Variants in PCDHGA2 observed in about 807,000 individuals in gnomAD.
The protein encoded by PCDHGA2 is protocadherin gamma-A2.
In PCDHGA2, 40 loss-of-function variants were observed where a neutral mutation model predicts 59.2. The observed-to-expected ratio is 0.68, with a 90% CI of 0.52 to 0.88. PCDHGA2 has a LOEUF of 0.88. Ranked by LOEUF, PCDHGA2 falls within the 40% of genes least tolerant of loss-of-function variation. PCDHGA2 has a pLI of 0.00. For missense variants in PCDHGA2, 1,226 were observed against 1,204.0 expected, an observed-to-expected ratio of 1.02 and a Z score of -0.27; for synonymous variants, 560 against 526.0, an observed-to-expected ratio of 1.06 and a Z score of -0.89.
Position 141,490,754 on chromosome 5 carries a change from CCTT to C in PCDHGA2, c.2425-4052_2425-4050del, listed in dbSNP as rs775582875. ...CAGGTTCAGGGAGCCCCAGCCTCCT[CCTT>C]TGTGTATGTCAACCCAGAGGATGGA... On this transcript the variant is annotated intron_variant, in intron 1 of 3. Transcript: ENST00000394576. The surrounding 1 kb of genome is among the most constrained non-coding windows in gnomAD (Gnocchi z 5.4). 3.1e-6 allele frequency: 5 copies of C among 1,614,200 alleles called. No individual in the cohort carries two copies. The highest frequency in any genetic ancestry group is 3.4e-6 in the Non-Finnish European group (4 of 1,180,038).
Position 141,490,122 on chromosome 5 carries a change from C to T in PCDHGA2, c.2425-4685C>T. 3 of 1,614,260 alleles carry T rather than the reference C, an allele frequency of 1.9e-6. No homozygotes were observed. The highest frequency in any genetic ancestry group is 2.5e-6 in the Non-Finnish European group (3 of 1,180,046). On this transcript the variant is annotated intron_variant, in intron 1 of 3. Coordinates refer to ENST00000394576, the MANE Select transcript of PCDHGA2 (RefSeq NM_018915.4). The surrounding 1 kb of genome is among the most constrained non-coding windows in gnomAD (Gnocchi z 5.4). ...CTGAGGCAGTGCGGAACCTCTTTGG[C>T]CTAGACCCTAGCAGTGGGGCAATCC... is the stretch of plus-strand genomic sequence containing the variant.
At chr5:141,461,051 A>G (rs1238514064) in intron 1 of PCDHGA2, among the ~76,000 whole-genome samples, 1 of 151,734 alleles carries the variant, frequency 6.6e-6, no homozygotes, top group East Asian at 1.9e-4. Flanking sequence ...ATGGGGACTT[A>G]GGTTGGTTTC....
At chr5:141,458,318 A>T (rs1420197662) in intron 1 of PCDHGA2, among the ~76,000 whole-genome samples, 1 of 152,128 alleles carries the variant, frequency 6.6e-6, no homozygotes, top group Non-Finnish European at 1.5e-5. Context: ...ACACAGACAC[A>T]TGTGGAGTGG....
At chr5:141,349,409 A>G (rs1758288143) in intron 1 of PCDHGA2, among the ~76,000 whole-genome samples, 1 of 152,206 alleles carries the variant, frequency 6.6e-6, no homozygotes, top group South Asian at 2.1e-4. Flanking sequence ...CACTGGTTTC[A>G]TAAAACAAAT....
intron 1 of PCDHGA2, chr5:141,342,794 G>T (rs2149729055): frequency 6.6e-6 from 1 of 152,260 alleles, no homozygotes; most frequent in Non-Finnish European, 1.5e-5. Flanking sequence ...ATATTTCTGT[G>T]CTTGGAAACT....
intron 1 of PCDHGA2, chr5:141,408,748 T>A (rs757813921): frequency 2.5e-6 from 4 of 1,608,714 alleles, no homozygotes; most frequent in Non-Finnish European, 3.4e-6. Flanking sequence ...CATTAATGGT[T>A]AGAGTTAATT....
chr5:141,483,756 G>C (rs11739909), intron 1 of PCDHGA2, among the ~76,000 whole-genome samples: 24,641 of 152,020 alleles, frequency 0.16, 2,128 homozygotes, highest in African/African-American at 0.22. Context: ...GAGGATCGAG[G>C]CTTGGAAAAA....
intron 1 of PCDHGA2, chr5:141,394,026 G>A (rs745343207): frequency 6.2e-7 from 1 of 1,613,494 alleles, no homozygotes; most frequent in Admixed American, 1.7e-5. Context: ...TTATAGATTA[G>A]TGACAAGGAA....
intron 1 of PCDHGA2, chr5:141,402,966 C>G (rs749578447): frequency 6.8e-6 from 11 of 1,605,942 alleles, no homozygotes; most frequent in Non-Finnish European, 8.5e-6. Context: ...GCAGCTCCAA[C>G]CAAATGCCAG....
chr5:141,394,252 A>G, intron 1 of PCDHGA2: 1 of 1,613,902 alleles, frequency 6.2e-7, no homozygotes, highest in Non-Finnish European at 8.5e-7. Flanking sequence ...CACGACCCCG[A>G]CAGCCAGGAG....
chr5:141,360,607 CT>C, intron 1 of PCDHGA2: 1 of 1,614,018 alleles, frequency 6.2e-7, no homozygotes, highest in Middle Eastern at 1.7e-4. Flanking sequence ...TGACCCAGCC[CT>C]GGATTCAGAT....
chr5:141,389,924 T>A (rs749120978), intron 1 of PCDHGA2: 13 of 1,614,062 alleles, frequency 8.1e-6, no homozygotes, highest in Non-Finnish European at 1.0e-5. Flanking sequence ...CCGACCCCTC[T>A]GACCTCCAGG....
At chr5:141,387,135 T>C (rs2090834693) in intron 1 of PCDHGA2, among the ~76,000 whole-genome samples, 1 of 152,208 alleles carries the variant, frequency 6.6e-6, no homozygotes, top group African/African-American at 2.4e-5. Context: ...ACTGAAACTA[T>C]TGGGAAGGGG....
intron 1 of PCDHGA2, chr5:141,421,282 A>G (rs762064258): frequency 7.4e-6 from 12 of 1,613,034 alleles, no homozygotes; most frequent in Non-Finnish European, 1.0e-5. Context: ...GCTGCTGTGC[A>G]TTTTCCTGGG....
chr5:141,383,162 G>T (rs1778883191), intron 1 of PCDHGA2: 1 of 1,614,006 alleles, frequency 6.2e-7, no homozygotes, highest in Non-Finnish European at 8.5e-7. Context: ...GTCACTGCGG[G>T]CAGGATAGAC....
intron 1 of PCDHGA2, chr5:141,418,422 G>T: frequency 6.2e-7 from 1 of 1,613,996 alleles, no homozygotes; most frequent in Non-Finnish European, 8.5e-7. Context: ...AATCCTGATG[G>T]TGGCAAATAT....
intron 1 of PCDHGA2, among the ~76,000 whole-genome samples, chr5:141,368,730 A>G (rs1166595138): frequency 6.6e-6 from 1 of 152,208 alleles, no homozygotes; most frequent in Non-Finnish European, 1.5e-5. Context: ...TATGTACTGT[A>G]TATACCATAT....
chr5:141,503,812 G>C (rs2099831825), intron 2 of PCDHGA2, among the ~76,000 whole-genome samples: 1 of 152,114 alleles, frequency 6.6e-6, no homozygotes, highest in South Asian at 2.1e-4. Context: ...GGGAATCCCA[G>C]ATTGGGCAAA....
intron 1 of PCDHGA2, chr5:141,392,600 G>A: frequency 2.0e-6 from 1 of 505,338 alleles, no homozygotes; most frequent in East Asian, 3.2e-5. Context: ...TCACCTACTG[G>A]AAGACAAATG....
Sources: allele counts gnomAD v4.1 joint callset (sites outside exome capture counted in the v4.1 genomes callset), GRCh38; gene constraint gnomAD v4.1.1; non-coding constraint Gnocchi (gnomAD v3.1); transcripts MANE v1.5; gene names NCBI Gene and HGNC (gene_info 2026-07-23, HGNC 2026-07-21).